The following FHIT variants were observed in gnomAD, a reference collection of about 807,000 sequenced individuals.
FHIT encodes the protein bis(5'-adenosyl)-triphosphatase.
In FHIT, 19 loss-of-function variants were observed where a neutral mutation model predicts 17.9. The observed-to-expected ratio is 1.06, with a 90% CI of 0.74 to 1.56. The LOEUF is 1.56. FHIT is among the 40% of genes most tolerant of loss of function. The pLI is 0.00. For synonymous variants in FHIT, 81 were observed against 69.7 expected, an observed-to-expected ratio of 1.16 and a Z score of -0.81; for missense variants, 248 against 189.2, an observed-to-expected ratio of 1.31 and a Z score of -1.82.
intron 5 of FHIT, among the ~76,000 whole-genome samples, chr3:60,430,221 C>T (rs1026743759): frequency 1.3e-5 from 2 of 151,990 alleles, no homozygotes; most frequent in Admixed American, 6.6e-5. Context: ...GAGAATAGAG[C>T]GAGTAACCAG....
chr3:60,423,697 C>T (rs576426786), intron 5 of FHIT, among the ~76,000 whole-genome samples: 1 of 152,262 alleles, frequency 6.6e-6, no homozygotes, highest in South Asian at 2.1e-4. Context: ...GTTAAAGCTA[C>T]TCACCCCAAC....
chr3:60,177,117 T>C (rs953877374), intron 5 of FHIT, among the ~76,000 whole-genome samples: 1 of 152,108 alleles, frequency 6.6e-6, no homozygotes, highest in Non-Finnish European at 1.5e-5. Context: ...GCAAAGACCT[T>C]TGTGAATTTA....
intron 3 of FHIT, among the ~76,000 whole-genome samples, chr3:60,924,536 T>G (rs1443397759): frequency 1.3e-5 from 2 of 151,944 alleles, no homozygotes; most frequent in African/African-American, 4.8e-5. Context: ...AGAAAGGACA[T>G]CCACACCAAA....
intron 7 of FHIT, among the ~76,000 whole-genome samples, chr3:59,973,728 G>C (rs1311602514): frequency 6.6e-6 from 1 of 152,040 alleles, no homozygotes; most frequent in Non-Finnish European, 1.5e-5. Flanking sequence ...TTATATAATA[G>C]TTGCTCAATT....
chr3:60,660,581 G>C (rs920630372), intron 4 of FHIT, among the ~76,000 whole-genome samples: 4 of 151,806 alleles, frequency 2.6e-5, no homozygotes, highest in Admixed American at 6.6e-5. Flanking sequence ...TACATTCCTG[G>C]TGCTTTCTAC....
chr3:60,081,482 C>A (rs1177125229), intron 5 of FHIT, among the ~76,000 whole-genome samples: 1 of 152,082 alleles, frequency 6.6e-6, no homozygotes, highest in African/African-American at 2.4e-5. Flanking sequence ...AAACTCAACT[C>A]AATCTACTGC....
intron 5 of FHIT, among the ~76,000 whole-genome samples, chr3:60,190,327 G>A (rs1472223987): frequency 1.3e-5 from 2 of 151,760 alleles, no homozygotes; most frequent in Admixed American, 6.6e-5. Flanking sequence ...AATGGCTAAT[G>A]GCCAGAGAGT....
At chr3:59,832,970 C>T (rs1361360680) in intron 8 of FHIT, among the ~76,000 whole-genome samples, 1 of 152,194 alleles carries the variant, frequency 6.6e-6, no homozygotes, top group African/African-American at 2.4e-5. Flanking sequence ...TGAGCCAAGA[C>T]ATTTCTTTTA....
At chr3:60,653,740 A>G (rs1577031170) in intron 4 of FHIT, among the ~76,000 whole-genome samples, 1 of 152,326 alleles carries the variant, frequency 6.6e-6, no homozygotes, top group East Asian at 1.9e-4. Context: ...AGGATTGCAT[A>G]CTAAAAGACA....
chr3:60,084,236 T>C (rs943492883), intron 5 of FHIT, among the ~76,000 whole-genome samples: 1 of 152,186 alleles, frequency 6.6e-6, no homozygotes, highest in East Asian at 1.9e-4. Context: ...TCTTTTGTAG[T>C]CTTTGAATTT....
rs71092606 is a variant in FHIT, at chr3:60,500,771, T to TAAAAAAAAAAAAAAAA, written c.103+36073_103+36088dup. The stretch of plus-strand genomic sequence containing the variant: ...CTGGGTGACAGAGTGAGCATCCATC[T>TAAAAAAAAAAAAAAAA]AAAAAAAAAAAAAAAAAAAAAAAAA... On this transcript the variant is annotated intron_variant, in intron 5 of 9. Coordinates refer to ENST00000492590, the MANE Select transcript of FHIT (RefSeq NM_002012.4). Among the ~76,000 whole-genome samples, 117 of 64,846 alleles carry TAAAAAAAAAAAAAAAA rather than the reference T, an allele frequency of 1.8e-3. 8 individuals carry two copies. Among genetic ancestry groups the TAAAAAAAAAAAAAAAA allele is most frequent in the African/African-American group, 6.8e-3 (111 of 16,248 alleles). The allele number at this position is 64,846 out of a possible 152,430, so 42.5% of individuals were successfully genotyped here.
At chr3:60,776,305 T>C (rs920560300) in intron 4 of FHIT, among the ~76,000 whole-genome samples, 1 of 152,202 alleles carries the variant, frequency 6.6e-6, no homozygotes, top group East Asian at 1.9e-4. Flanking sequence ...GTGTGTACTG[T>C]ACGTAATGTT....
At chr3:61,082,181 C>T (rs540887030) in intron 2 of FHIT, among the ~76,000 whole-genome samples, 23 of 152,222 alleles carry the variant, frequency 1.5e-4, no homozygotes, top group South Asian at 6.2e-4. Flanking sequence ...TTAAACACTA[C>T]CCAAATCAAG....
At chr3:60,587,436 T>C (rs2037942807) in intron 4 of FHIT, among the ~76,000 whole-genome samples, 1 of 151,956 alleles carries the variant, frequency 6.6e-6, no homozygotes, top group Non-Finnish European at 1.5e-5. Flanking sequence ...GGTTGGTAGG[T>C]TCAGTAAACC....
At chr3:60,360,310 C>T (rs1699853447) in intron 5 of FHIT, among the ~76,000 whole-genome samples, 1 of 151,668 alleles carries the variant, frequency 6.6e-6, no homozygotes, top group African/African-American at 2.4e-5. Flanking sequence ...AATTTGCTGG[C>T]ACTATAAAAG....
At chr3:61,085,960 C>T (rs1022114830) in intron 2 of FHIT, among the ~76,000 whole-genome samples, 4 of 151,996 alleles carry the variant, frequency 2.6e-5, no homozygotes, top group Non-Finnish European at 5.9e-5. Flanking sequence ...TGTTCTGGTA[C>T]GTAGAAATAC....
chr3:60,735,057 C>T (rs1425655758), intron 4 of FHIT, among the ~76,000 whole-genome samples: 2 of 152,124 alleles, frequency 1.3e-5, no homozygotes, highest in East Asian at 1.9e-4. Context: ...TATAAGAAAC[C>T]TTATTTGCAT....
chr3:61,081,423 G>A (rs962071887), intron 2 of FHIT, among the ~76,000 whole-genome samples: 5 of 152,176 alleles, frequency 3.3e-5, no homozygotes, highest in African/African-American at 9.6e-5. Flanking sequence ...AAAGCAGAAT[G>A]AGGAAAAAAC....
chr3:59,760,813 TGGCC>T (rs1377275715), intron 8 of FHIT, among the ~76,000 whole-genome samples: 2 of 150,200 alleles, frequency 1.3e-5, no homozygotes, highest in African/African-American at 2.5e-5. Flanking sequence ...CCTGATTGAT[TGGCC>T]ACCATTTAGA....
Sources: allele counts gnomAD v4.1 joint callset (sites outside exome capture counted in the v4.1 genomes callset), GRCh38; gene constraint gnomAD v4.1.1; transcripts MANE v1.5; gene names NCBI Gene and HGNC (gene_info 2026-07-23, HGNC 2026-07-21).